HERC1: variants seen among roughly 807,000 people sequenced by gnomAD.
The protein encoded by HERC1 is probable E3 ubiquitin-protein ligase HERC1.
Under a neutral mutation model 554.3 loss-of-function variants are expected in HERC1, and 160 were observed. That is an observed-to-expected ratio of 0.29 (90% CI 0.25 to 0.33). The LOEUF (loss-of-function observed/expected upper bound fraction) is 0.33, where lower values mean the gene tolerates loss of function less well. HERC1 is among the 10% of genes least tolerant of loss of function. HERC1 has a pLI of 1.00. For synonymous variants in HERC1, 2,175 were observed against 2,131.7 expected, an observed-to-expected ratio of 1.02 and a Z score of -0.56; for missense variants, 4,919 against 5,918.5, an observed-to-expected ratio of 0.83 and a Z score of 5.54.
At chr15:63,789,220 A>G (rs1235423061) in intron 1 of HERC1, among the ~76,000 whole-genome samples, 1 of 143,926 alleles carries the variant, frequency 6.9e-6, no homozygotes, top group African/African-American at 2.6e-5. Context: ...CCTCCCAAGT[A>G]GCTGGGACTA....
chr15:63,641,014 C>T (rs1421443674), intron 60 of HERC1, among the ~76,000 whole-genome samples: 2 of 152,084 alleles, frequency 1.3e-5, no homozygotes, highest in Non-Finnish European at 2.9e-5. Flanking sequence ...ATTTAATGAC[C>T]CTACTCAATT....
chr15:63,669,592 T>G lies in HERC1; in HGVS notation c.8152A>C (p.Arg2718=). The part of the protein sequence containing the change: ...PTSPSDEVGR[R]QSLTSPDSQS... The stretch of plus-strand genomic sequence containing the variant: ...GAATCAGGAGAAGTTAAACTTTGCC[T>G]CCTTCCTACTTCATCAGAAGGAGAG... Residue 2718 remains arginine, a synonymous_variant, in exon 40 of 78, where the codon AGG becomes CGG. Coordinates refer to ENST00000443617, the MANE Select transcript of HERC1 (RefSeq NM_003922.4). 6.2e-7 allele frequency: 1 copy of G among 1,613,874 alleles called. No homozygotes were observed. Among genetic ancestry groups the G allele is most frequent in the Non-Finnish European group, 8.5e-7 (1 of 1,179,770 alleles).
intron 12 of HERC1, among the ~76,000 whole-genome samples, chr15:63,744,164 G>GTGTCTCTCTCTCTCTCTCTCTC: frequency 1.3e-4 from 6 of 46,296 alleles, no homozygotes; most frequent in Admixed American, 4.9e-4. Flanking sequence ...GTGTGTGTGT[G>GTGTCTCTCTCTCTCTCTCTCTC]TCTCTCTCTC....
At chr15:63,728,405 G>C (rs1454330192) in intron 16 of HERC1, among the ~76,000 whole-genome samples, 1 of 152,150 alleles carries the variant, frequency 6.6e-6, no homozygotes, top group Non-Finnish European at 1.5e-5. Context: ...GGGCAGAGAA[G>C]GTCATTCAGA....
At position 63,677,884 on chromosome 15, in the gene HERC1, G is replaced by A. The variant is rs1427972389; in HGVS notation, c.7031C>T (p.Ser2344Phe). ...LLGVVKEGST[S>F]AKVQWDEAEI... ...TGCTTCATCCCATTGGACCTTGGCAGACGTGCTGCCCTCTTTGACCACTCC... is the reference window on the plus strand; with the variant it reads ...TGCTTCATCCCATTGGACCTTGGCAAACGTGCTGCCCTCTTTGACCACTCC... The change falls in exon 37 of 78, where the codon TCT (serine) becomes TTT (phenylalanine). Residue 2344 changes from serine (S) to phenylalanine (F), a missense_variant. By Grantham distance (155) the Ser-to-Phe change is radical. Coordinates refer to ENST00000443617, the MANE Select transcript of HERC1 (RefSeq NM_003922.4). This position sits in a 1 kb window ranked among gnomAD's most constrained non-coding sequence, Gnocchi z 4.4. 6.2e-7 allele frequency: 1 copy of A among 1,613,944 alleles called. No individual in the cohort carries two copies. The highest frequency in any genetic ancestry group is 8.5e-7 in the Non-Finnish European group (1 of 1,179,854).
Position 63,694,087 on chromosome 15 carries a change from T to C in HERC1, c.5551A>G (p.Asn1851Asp). 1.2e-6 allele frequency: 2 copies of C among 1,610,688 alleles called. No individual in the cohort carries two copies. The highest frequency in any genetic ancestry group is 4.5e-5 in the East Asian group (2 of 44,832). Reference sequence around the variant, plus strand: ...AGTACACCAGTTTGGGACAATAAATTCTTCAACTGACTACAGAGTAGATCC... The same window carrying C: ...AGTACACCAGTTTGGGACAATAAATCCTTCAACTGACTACAGAGTAGATCC... ...LLDLLCSQLKNLLSQTGVLHM... is the reference protein window; with the variant it reads ...LLDLLCSQLKDLLSQTGVLHM... The change falls in exon 30 of 78, where the codon AAT (asparagine) becomes GAT (aspartate). Residue 1851 changes from asparagine (N) to aspartate (D), a missense_variant. Transcript: ENST00000443617. The surrounding 1 kb of genome is among the most constrained non-coding windows in gnomAD (Gnocchi z 4.3).
rs1284107156 is a variant in HERC1, at chr15:63,758,407, C to CA, written c.1027-39dup. Reference sequence around the variant, plus strand: ...TAAAATATGCAACAAATAGTCAAGACAGTTTTAGTCTGGGCATTTTTTATA... The same window carrying CA: ...TAAAATATGCAACAAATAGTCAAGACAAGTTTTAGTCTGGGCATTTTTTATA... On this transcript the variant is annotated intron_variant, in intron 3 of 77. Coordinates refer to ENST00000443617, the MANE Select transcript of HERC1 (RefSeq NM_003922.4). The surrounding 1 kb of genome is among the most constrained non-coding windows in gnomAD (Gnocchi z 4.0). 1 of 1,468,370 alleles carries CA rather than the reference C, an allele frequency of 6.8e-7. No homozygotes were observed. The highest frequency in any genetic ancestry group is 2.0e-5 in the Admixed American group (1 of 50,908). The allele number at this position is 1,468,370 out of a possible 1,614,324, so 91.0% of individuals were successfully genotyped here.
intron 17 of HERC1, among the ~76,000 whole-genome samples, chr15:63,725,781 C>G (rs1255725603): frequency 1.3e-5 from 2 of 152,072 alleles, no homozygotes; most frequent in Non-Finnish European, 2.9e-5. Flanking sequence ...CAACATTATT[C>G]CAATCAATTA....
At chr15:63,634,947 A>G in intron 65 of HERC1, 59 bp from the exon 66 acceptor site, 1 of 1,341,276 alleles carries the variant, frequency 7.5e-7, no homozygotes, top group Non-Finnish European at 1.0e-6. Flanking sequence ...AAAAAAGTAA[A>G]TCTGCCATTT....
At chr15:63,719,376 C>T (rs1393622458) in intron 19 of HERC1, among the ~76,000 whole-genome samples, 5 of 152,176 alleles carry the variant, frequency 3.3e-5, no homozygotes, top group African/African-American at 1.2e-4. Flanking sequence ...TCAAGGAGGC[C>T]AGTGTGGCTG....
intron 77 of HERC1, among the ~76,000 whole-genome samples, chr15:63,611,591 G>A (rs2067593962): frequency 1.3e-5 from 2 of 152,096 alleles, no homozygotes; most frequent in Admixed American, 6.5e-5. Flanking sequence ...ACCAGTTAAT[G>A]GTTAATATTT....
chr15:63,753,249 A>G (rs928630424), intron 7 of HERC1, among the ~76,000 whole-genome samples, 164 bp from the exon 8 acceptor site: 1 of 152,326 alleles, frequency 6.6e-6, no homozygotes, highest in East Asian at 1.9e-4. Flanking sequence ...GAGCATTTTT[A>G]TTACAAGAAA....
At chr15:63,759,826 C>A (rs746201983) in intron 3 of HERC1, among the ~76,000 whole-genome samples, 22 of 152,208 alleles carry the variant, frequency 1.4e-4, no homozygotes, top group Non-Finnish European at 2.9e-4. Context: ...ATAGGGTCAT[C>A]TTGGTCAGAT....
chr15:63,800,763 A>T lies in HERC1; in HGVS notation c.-26-25114T>A, dbSNP rs567734565. ...TTCGTAATTTCCTTTGTGATAGGGG[A>T]ATAGGAGCATCTTTTGTTATTCGTA... is the stretch of plus-strand genomic sequence containing the variant. On this transcript the variant is annotated intron_variant, in intron 1 of 77. Coordinates refer to ENST00000443617, the MANE Select transcript of HERC1 (RefSeq NM_003922.4). 4.9e-4 allele frequency among the ~76,000 whole-genome samples: 75 copies of T among 152,262 alleles called. No homozygotes were observed. The Middle Eastern group carries it at 0.01, about 21-fold the overall frequency.
chr15:63,754,434 T>A (rs1048535376), intron 7 of HERC1, 71 bp downstream of exon 7: 1 of 1,306,514 alleles, frequency 7.7e-7, no homozygotes, highest in African/African-American at 1.5e-5. Flanking sequence ...TAGGCATATA[T>A]AACTGAAAAA....
chr15:63,621,070 T>C (rs1308104884), intron 74 of HERC1, among the ~76,000 whole-genome samples: 1 of 152,264 alleles, frequency 6.6e-6, no homozygotes, highest in Non-Finnish European at 1.5e-5. Flanking sequence ...CGTTAGTTGA[T>C]GCAGTTTCTT....
intron 1 of HERC1, among the ~76,000 whole-genome samples, chr15:63,811,213 C>A (rs1033939136): frequency 6.6e-6 from 1 of 152,272 alleles, no homozygotes; most frequent in East Asian, 1.9e-4. Context: ...TATTTTCCAT[C>A]GGTGTGATAA....
At chr15:63,616,328 G>GT in intron 75 of HERC1, 102 bp downstream of exon 75, 1 of 1,263,238 alleles carries the variant, frequency 7.9e-7, no homozygotes, top group South Asian at 1.4e-5. Flanking sequence ...TGTTCAGCCA[G>GT]ACAGCAAGTG....
rs150346795 is a variant in HERC1 at position 63,674,731 on chromosome 15, C to A, written c.7457G>T (p.Arg2486Ile). ...ESQHQITEGK[R>I]KNHEHMSKNH... ...TTTGGACATGTGTTCATGATTTTTT[C>A]TTTTCCCTTCTGTTATTTGATGTTG... Residue 2486 changes from arginine to isoleucine, a missense_variant, in exon 38 of 78, where the codon AGA (arginine) becomes ATA (isoleucine). Physicochemically the swap from Arg to Ile is moderately conservative, Grantham distance 97 (BLOSUM62 -3). Coordinates refer to ENST00000443617, the MANE Select transcript of HERC1 (RefSeq NM_003922.4). 3 of 1,613,382 alleles carry A rather than the reference C, an allele frequency of 1.9e-6. No individual in the cohort carries two copies. The highest frequency in any genetic ancestry group is 2.5e-6 in the Non-Finnish European group (3 of 1,179,708).
Sources: gnomAD v4.1 joint callset for allele counts (sites outside exome capture counted in the v4.1 genomes callset) on GRCh38, gnomAD v4.1.1 for gene constraint, Gnocchi (gnomAD v3.1) non-coding constraint, MANE v1.5 for transcripts, NCBI Gene and HGNC (gene_info 2026-07-23, HGNC 2026-07-21) for gene names.